WAC: variants seen among roughly 807,000 people sequenced by gnomAD.
The protein encoded by WAC is WW domain containing adaptor with coiled-coil, also known as WW domain-containing adapter protein with coiled-coil.
WAC carries 11 observed loss-of-function variants against 79.6 expected under a neutral mutation model. The ratio of observed to expected loss-of-function variants is 0.14; its 90% confidence interval spans 0.09 to 0.23. WAC has a LOEUF of 0.23. Among genes scored for constraint, WAC ranks in the 10% least tolerant of loss-of-function variants. The pLI is 1.00. For synonymous variants in WAC, 304 were observed against 276.9 expected, an observed-to-expected ratio of 1.10 and a Z score of -0.97; for missense variants, 728 against 773.5, an observed-to-expected ratio of 0.94 and a Z score of 0.70.
intron 7 of WAC, among the ~76,000 whole-genome samples, chr10:28,605,525 A>G (rs1840897136): frequency 6.6e-6 from 1 of 152,210 alleles, no homozygotes; most frequent in African/African-American, 2.4e-5. Context: ...AGTCCCATAA[A>G]TATTAAGTAG....
At chr10:28,544,924 G>T (rs754133144) in intron 3 of WAC, among the ~76,000 whole-genome samples, 4 of 151,874 alleles carry the variant, frequency 2.6e-5, no homozygotes, top group African/African-American at 9.7e-5. Flanking sequence ...ATTAGCTGGG[G>T]CGTGGTGGTG....
At chr10:28,592,271 A>G (rs1355497324) in intron 6 of WAC, among the ~76,000 whole-genome samples, 2 of 152,222 alleles carry the variant, frequency 1.3e-5, no homozygotes, top group African/African-American at 4.8e-5. Flanking sequence ...GACATAAACA[A>G]GTTGCACCCA....
rs1445522266 is a variant in WAC at position 28,608,619 on chromosome 10, G to T, written c.1165+188G>T. The T allele has an allele frequency of 6.6e-6, 4 of 606,618 alleles. No homozygotes were observed. The African/African-American group carries it at 7.4e-5, about 11-fold the overall frequency. The allele number at this position is 606,618 out of a possible 1,614,324, so 37.6% of individuals were successfully genotyped here. ...CCACTGTAGTTTAAGACCATTGGTA[G>T]TATAATTGAGTTAGTGGTGCTTGGA... On this transcript the variant is annotated intron_variant, in intron 8 of 13. Transcript: ENST00000354911.
chr10:28,594,891 G>A (rs149058152), intron 6 of WAC, among the ~76,000 whole-genome samples: 26 of 152,158 alleles, frequency 1.7e-4, no homozygotes, highest in African/African-American at 6.0e-4. Context: ...TGAAATTTTC[G>A]TTCTTTTTGT....
chr10:28,608,038 TACTG>T, intron 7 of WAC, 144 bp from the exon 8 acceptor site: 1 of 809,184 alleles, frequency 1.2e-6, no homozygotes, highest in Non-Finnish European at 2.0e-6. Context: ...TGTGAATGTT[TACTG>T]AGCATCTTCT....
Position 28,619,953 on chromosome 10 carries a change from GCTT to G in WAC, c.*348_*350del, listed in dbSNP as rs1841630777. 1 of 142,578 alleles carries G rather than the reference GCTT, an allele frequency of 7.0e-6. No homozygotes were observed. Among genetic ancestry groups the G allele is most frequent in the Non-Finnish European group, 1.5e-5 (1 of 67,102 alleles). 8.8% of individuals were successfully genotyped at this position (142,578 alleles called of 1,614,324 possible). ...ACATGTAAACCTGTCTGCAAAATTA[GCTT>G]TTTTAAAAAAAAAAAAAAAAAAATT... On this transcript the variant is annotated 3_prime_UTR_variant, in exon 14 of 14. Coordinates refer to ENST00000354911, the MANE Select transcript of WAC (RefSeq NM_016628.5).
intron 3 of WAC, among the ~76,000 whole-genome samples, chr10:28,542,996 ACTTTATAG>A (rs1447728727): frequency 1.6e-4 from 24 of 152,218 alleles, no homozygotes; most frequent in Non-Finnish European, 5.9e-5. Context: ...AGTGCCTGAA[ACTTTATAG>A]CATTTAACTA....
At chr10:28,535,534 CT>C (rs751212931) in intron 2 of WAC, 27 bp from the exon 3 acceptor site, 7 of 1,525,820 alleles carry the variant, frequency 4.6e-6, no homozygotes, top group South Asian at 1.3e-5. Flanking sequence ...TTCTTTCTCT[CT>C]TTTTTTGGGG....
chr10:28,533,151 G>GGCGGCACCA lies in WAC; in HGVS notation c.-423_-415dup, dbSNP rs1391180177. ...CGGATGTAGTTGGTGGAGCGGCAGC[G>GGCGGCACCA]GCGGCACCAGCGGCGGCGGCGGCGG... is the stretch of plus-strand genomic sequence containing the variant. On this transcript the variant is annotated 5_prime_UTR_variant, in exon 1 of 14. Coordinates refer to ENST00000354911, the MANE Select transcript of WAC (RefSeq NM_016628.5). 2 of 167,988 alleles carry GGCGGCACCA rather than the reference G, an allele frequency of 1.2e-5. No homozygotes were observed. Among genetic ancestry groups the GGCGGCACCA allele is most frequent in the East Asian group, 3.6e-4 (2 of 5,592 alleles). The allele number at this position is 167,988 out of a possible 1,614,324, so 10.4% of individuals were successfully genotyped here.
chr10:28,617,879 T>A, intron 13 of WAC, 95 bp downstream of exon 13: 2 of 1,374,194 alleles, frequency 1.5e-6, no homozygotes, highest in Non-Finnish European at 1.9e-6. Flanking sequence ...TTATGAAATG[T>A]AAAGTTCTCT....
chr10:28,564,606 G>C (rs1358873971), intron 3 of WAC, among the ~76,000 whole-genome samples: 1 of 152,138 alleles, frequency 6.6e-6, no homozygotes, highest in Non-Finnish European at 1.5e-5. Context: ...TAGACATAAA[G>C]GTTATACTTG....
rs564568491 is a variant in WAC at position 28,584,473 on chromosome 10, A to T, written c.381+968A>T. ...TATGTCATGCCAAGGAATATTAATTATACATATATAAGGCAGTGGAGAGGT... is the reference window on the plus strand; with the variant it reads ...TATGTCATGCCAAGGAATATTAATTTTACATATATAAGGCAGTGGAGAGGT... On this transcript the variant is annotated intron_variant, in intron 4 of 13. Coordinates refer to ENST00000354911, the MANE Select transcript of WAC (RefSeq NM_016628.5). Among the ~76,000 whole-genome samples, 54 of 152,338 alleles carry T rather than the reference A, an allele frequency of 3.5e-4. No homozygotes were observed. In the South Asian group the frequency reaches 4.4e-3, roughly 12 times the overall value.
intron 3 of WAC, among the ~76,000 whole-genome samples, chr10:28,581,944 A>G (rs1246121824): frequency 6.6e-6 from 1 of 152,198 alleles, no homozygotes; most frequent in African/African-American, 2.4e-5. Flanking sequence ...CTATCTATAT[A>G]AGTAGAATAC....
intron 3 of WAC, among the ~76,000 whole-genome samples, chr10:28,543,079 A>T (rs1460751970): frequency 6.6e-6 from 1 of 152,222 alleles, no homozygotes; most frequent in Non-Finnish European, 1.5e-5. Context: ...AGTATTTTGG[A>T]TTAGCATTCC....
intron 3 of WAC, among the ~76,000 whole-genome samples, chr10:28,560,740 G>T (rs935604502): frequency 2.6e-5 from 4 of 152,204 alleles, no homozygotes; most frequent in African/African-American, 9.7e-5. Flanking sequence ...AGAGTCTCTT[G>T]CAAACGTAGT....
In WAC at chr10:28,619,836, T is replaced by C. The variant is rs974324306; in HGVS notation, c.*230T>C. ...ATGTATCCTTCACGTTGTAAATATGTTTTGTAGAGTGAAGCCATGGGAAGC... is the reference window on the plus strand; with the variant it reads ...ATGTATCCTTCACGTTGTAAATATGCTTTGTAGAGTGAAGCCATGGGAAGC... On this transcript the variant is annotated 3_prime_UTR_variant, in exon 14 of 14. Transcript: ENST00000354911. 2 of 370,346 alleles carry C rather than the reference T, an allele frequency of 5.4e-6. No homozygotes were observed. Among genetic ancestry groups the C allele is most frequent in the African/African-American group, 4.3e-5 (2 of 47,032 alleles). The allele number at this position is 370,346 out of a possible 1,614,324, so 22.9% of individuals were successfully genotyped here.
chr10:28,574,636 G>T (rs1839151544), intron 3 of WAC, among the ~76,000 whole-genome samples: 2 of 152,130 alleles, frequency 1.3e-5, no homozygotes, highest in South Asian at 2.1e-4. Context: ...TAGAGGCGGG[G>T]TTTCACCATG....
At position 28,595,913 on chromosome 10, in the gene WAC, C is replaced by A; in HGVS notation, c.791C>A (p.Pro264His). ...CCAACTGCTACCCCAAGCACTGTTC[C>A]TTCTAGTCCATTTACGCTACAGTCT... ...VHPTATPSTV[P>H]SSPFTLQSDH... Residue 264 changes from proline to histidine, a missense_variant, in exon 7 of 14, where the codon CCT (proline) becomes CAT (histidine). By Grantham distance (77) the Pro-to-His change is moderately conservative (BLOSUM62 -2). This residue lies in a region of WAC where 648 missense variants were observed against 661.5 expected (regional missense o/e 0.98). Transcript: ENST00000354911. 8 of 1,614,164 alleles carry A rather than the reference C, an allele frequency of 5.0e-6. No homozygotes were observed. The highest frequency in any genetic ancestry group is 6.8e-6 in the Non-Finnish European group (8 of 1,180,020).
chr10:28,579,036 G>C (rs955803289), intron 3 of WAC, among the ~76,000 whole-genome samples: 1 of 152,078 alleles, frequency 6.6e-6, no homozygotes, highest in Admixed American at 6.6e-5. Flanking sequence ...ATTCCCAATA[G>C]CATCCTTTTC....
Sources: gnomAD v4.1 joint callset for allele counts (sites outside exome capture counted in the v4.1 genomes callset) on GRCh38, gnomAD v4.1.1 for gene constraint, gnomAD v4.1.1 regional missense constraint, MANE v1.5 for transcripts, NCBI Gene and HGNC (gene_info 2026-07-23, HGNC 2026-07-21) for gene names.